The following DDHD1 variants were observed in gnomAD, a reference collection of about 807,000 sequenced individuals.
DDHD1 encodes the protein DDHD domain containing 1.
Under a neutral mutation model 96.4 loss-of-function variants are expected in DDHD1, and 49 were observed. That is an observed-to-expected ratio of 0.51 (90% CI 0.40 to 0.64). DDHD1 has a LOEUF of 0.64. Among genes scored for constraint, DDHD1 ranks in the 30% least tolerant of loss-of-function variants. The pLI is 0.00. For missense variants in DDHD1, 1,106 were observed against 1,161.2 expected, an observed-to-expected ratio of 0.95 and a Z score of 0.69; for synonymous variants, 442 against 446.5, an observed-to-expected ratio of 0.99 and a Z score of 0.13.
chr14:53,111,903 A>C (rs1888135590), intron 1 of DDHD1, among the ~76,000 whole-genome samples: 1 of 152,208 alleles, frequency 6.6e-6, no homozygotes, highest in Non-Finnish European at 1.5e-5. Context: ...CACTTCCTAA[A>C]GTATTTAACA....
intron 1 of DDHD1, among the ~76,000 whole-genome samples, chr14:53,120,183 T>G (rs926954529): frequency 5.3e-5 from 8 of 152,086 alleles, no homozygotes; most frequent in African/African-American, 1.9e-4. Flanking sequence ...AAATCATGAG[T>G]GAACTCCTAT....
intron 1 of DDHD1, among the ~76,000 whole-genome samples, chr14:53,127,964 G>A (rs1889577006): frequency 6.6e-6 from 1 of 152,202 alleles, no homozygotes; most frequent in Non-Finnish European, 1.5e-5. Context: ...CACGTGTTGG[G>A]GGAGGAACCT....
At chr14:53,088,470 C>G (rs1886163498) in intron 4 of DDHD1, among the ~76,000 whole-genome samples, 1 of 152,138 alleles carries the variant, frequency 6.6e-6, no homozygotes, top group African/African-American at 2.4e-5. Flanking sequence ...AGCGTATCCA[C>G]CAAGATCAAG....
intron 1 of DDHD1, among the ~76,000 whole-genome samples, chr14:53,117,277 T>A (rs1012420444): frequency 1.3e-5 from 2 of 152,098 alleles, no homozygotes; most frequent in Admixed American, 1.3e-4. Flanking sequence ...ACCTGGTTCA[T>A]CTCATTGGGA....
intron 1 of DDHD1, among the ~76,000 whole-genome samples, chr14:53,134,767 T>C (rs1890110713): frequency 6.6e-6 from 1 of 152,208 alleles, no homozygotes; most frequent in African/African-American, 2.4e-5. Context: ...TAATTGGATG[T>C]CCTGGGTACT....
chr14:53,087,399 A>G (rs913971383), intron 4 of DDHD1, among the ~76,000 whole-genome samples: 2 of 152,174 alleles, frequency 1.3e-5, no homozygotes, highest in African/African-American at 4.8e-5. Flanking sequence ...AAAATTGACC[A>G]CACAGTTGGA....
chr14:53,083,175 C>A (rs370591297), intron 4 of DDHD1, among the ~76,000 whole-genome samples: 8 of 151,704 alleles, frequency 5.3e-5, no homozygotes, highest in Admixed American at 2.0e-4. Context: ...TCTGTACTTA[C>A]GGGTTTATGC....
At chr14:53,121,497 C>T (rs533860679) in intron 1 of DDHD1, among the ~76,000 whole-genome samples, 1 of 152,306 alleles carries the variant, frequency 6.6e-6, no homozygotes, top group East Asian at 1.9e-4. Flanking sequence ...TTCACTGTGG[C>T]ACTATTTACA....
intron 1 of DDHD1, among the ~76,000 whole-genome samples, chr14:53,137,600 A>C (rs1890330223): frequency 6.8e-6 from 1 of 147,740 alleles, no homozygotes; most frequent in Non-Finnish European, 1.5e-5. Context: ...TCAAAAAATA[A>C]AAATAAAAAT....
intron 1 of DDHD1, among the ~76,000 whole-genome samples, chr14:53,151,487 A>G (rs1289082843): frequency 6.6e-6 from 1 of 152,208 alleles, no homozygotes; most frequent in Non-Finnish European, 1.5e-5. Flanking sequence ...GTTAACACTC[A>G]TATCACACGT....
At chr14:53,097,244 T>C (rs973223933) in intron 2 of DDHD1, among the ~76,000 whole-genome samples, 1 of 152,002 alleles carries the variant, frequency 6.6e-6, no homozygotes, top group African/African-American at 2.4e-5. Context: ...TTTATAATAC[T>C]AGAAATGTAA....
chr14:53,095,854 G>C (rs1011781360), intron 2 of DDHD1, among the ~76,000 whole-genome samples: 4 of 152,092 alleles, frequency 2.6e-5, no homozygotes, highest in Non-Finnish European at 5.9e-5. Flanking sequence ...AGAGATGAGT[G>C]TTAAGCCAGA....
intron 1 of DDHD1, among the ~76,000 whole-genome samples, chr14:53,149,386 C>T (rs1891199375): frequency 6.6e-6 from 1 of 151,996 alleles, no homozygotes; most frequent in Non-Finnish European, 1.5e-5. Context: ...GTTTCCAAAA[C>T]AGCTAAAAAG....
chr14:53,120,346 T>A (rs965124853), intron 1 of DDHD1, among the ~76,000 whole-genome samples: 2 of 152,224 alleles, frequency 1.3e-5, no homozygotes, highest in African/African-American at 4.8e-5. Flanking sequence ...TTAGGAAGAA[T>A]CAATATCGTG....
chr14:53,049,079 C>T (rs1882300165), intron 12 of DDHD1: 1 of 152,124 alleles, frequency 6.6e-6, no homozygotes, highest in Non-Finnish European at 1.5e-5. Flanking sequence ...TTTTATGTTC[C>T]TGAAATTATT....
chr14:53,039,347 T>C lies in DDHD1; in HGVS notation c.*7421A>G, dbSNP rs954640544. ...ATTTCAGGGCCAGCAAATAAAATCC[T>C]ATGGAAGGCTTCTGCCCTATCTAGT... On this transcript the variant is annotated 3_prime_UTR_variant, in exon 13 of 13. Transcript: ENST00000673822. 1.9e-4 allele frequency: 29 copies of C among 152,210 alleles called. No individual in the cohort carries two copies. The highest frequency in any genetic ancestry group is 7.0e-4 in the African/African-American group (29 of 41,444). 9.4% of individuals were successfully genotyped at this position (152,210 alleles called of 1,614,324 possible).
intron 1 of DDHD1, among the ~76,000 whole-genome samples, chr14:53,132,091 C>A (rs903292787): frequency 2.6e-5 from 4 of 152,108 alleles, no homozygotes; most frequent in African/African-American, 9.7e-5. Flanking sequence ...CCCCATAAAT[C>A]CTCAATCCTT....
intron 6 of DDHD1, among the ~76,000 whole-genome samples, chr14:53,069,921 A>C (rs1374602332): frequency 6.6e-6 from 1 of 152,196 alleles, no homozygotes; most frequent in East Asian, 1.9e-4. Context: ...AATTCAAAGG[A>C]CTGGGTGTTC....
At chr14:53,112,651 T>C (rs1260408780) in intron 1 of DDHD1, among the ~76,000 whole-genome samples, 6 of 152,234 alleles carry the variant, frequency 3.9e-5, no homozygotes, top group Admixed American at 3.3e-4. Context: ...AATATACTTA[T>C]AATCTGCTTA....
Sources: gnomAD v4.1 joint callset for allele counts (sites outside exome capture counted in the v4.1 genomes callset) on GRCh38, gnomAD v4.1.1 for gene constraint, MANE v1.5 for transcripts, NCBI Gene and HGNC (gene_info 2026-07-23, HGNC 2026-07-21) for gene names.